UNK: variants seen among roughly 807,000 people sequenced by gnomAD.
The protein encoded by UNK is unk zinc finger.
Under a neutral mutation model 97.6 loss-of-function variants are expected in UNK, and 32 were observed. The observed-to-expected ratio is 0.33, with a 90% CI of 0.25 to 0.44. The LOEUF is 0.44. Ranked by LOEUF, UNK falls within the 20% of genes least tolerant of loss-of-function variation. The probability of loss-of-function intolerance (pLI) is 1.00; values close to 1 mark genes in which losing one functional copy is unlikely to be tolerated. For missense variants in UNK, 771 were observed against 1,098.4 expected (o/e 0.70, Z 4.21); for synonymous variants, 441 against 461.2 (o/e 0.96, Z 0.56).
At chr17:75,794,164 T>C (rs1165601899) in intron 1 of UNK, 3 of 970,722 alleles carry the variant, frequency 3.1e-6, no homozygotes, top group South Asian at 9.5e-5. Context: ...TACAAAAATG[T>C]ATATTAAATA....
At chr17:75,793,466 CAA>C (rs2061780039) in intron 1 of UNK, 1 of 985,284 alleles carries the variant, frequency 1.0e-6, no homozygotes, top group Non-Finnish European at 1.2e-6. Context: ...ACAGCAGTAT[CAA>C]GAGCTGAGGA....
chr17:75,813,999 C>T (rs1016691069), intron 6 of UNK, 121 bp downstream of exon 6: 2 of 835,450 alleles, frequency 2.4e-6, no homozygotes, highest in African/African-American at 1.7e-5. Flanking sequence ...CTTGTGGCCA[C>T]CAGCTCTCCC....
chr17:75,812,697 C>T (rs756199197), intron 4 of UNK, 112 bp downstream of exon 4: 10 of 1,440,758 alleles, frequency 6.9e-6, no homozygotes, highest in East Asian at 2.4e-5. Context: ...CCCGACCTGG[C>T]CCGCATCCCA....
rs993389744 is a variant in UNK, at chr17:75,824,472, G to GTATA, written c.*67_*70dup. The GTATA allele has an allele frequency of 3.6e-6, 4 of 1,106,082 alleles. No homozygotes were observed. The highest frequency in any genetic ancestry group is 4.6e-6 in the Non-Finnish European group (4 of 864,754). The allele number at this position is 1,106,082 out of a possible 1,614,324, so 68.5% of individuals were successfully genotyped here. ...ATCTTCTCACCTAGGACTTTTTAAA[G>GTATA]TATATATATATATATGAATATATAT... On this transcript the variant is annotated 3_prime_UTR_variant, in exon 16 of 16. Coordinates refer to ENST00000589666, the MANE Select transcript of UNK (RefSeq NM_001080419.3). The surrounding 1 kb of genome is among the most constrained non-coding windows in gnomAD (Gnocchi z 4.9).
chr17:75,801,843 C>A (rs2061862148), intron 1 of UNK, among the ~76,000 whole-genome samples: 1 of 148,158 alleles, frequency 6.7e-6, no homozygotes, highest in Non-Finnish European at 1.5e-5. Context: ...GCACCCGGCT[C>A]CCCCCAGCCT....
chr17:75,792,565 C>T, intron 1 of UNK: 1 of 821,202 alleles, frequency 1.2e-6, no homozygotes, highest in Non-Finnish European at 1.5e-6. Flanking sequence ...TTTACTATCC[C>T]TCTGGACAAT....
intron 1 of UNK, among the ~76,000 whole-genome samples, chr17:75,788,096 T>A (rs1425786427): frequency 6.6e-6 from 1 of 152,170 alleles, no homozygotes; most frequent in Non-Finnish European, 1.5e-5. Context: ...GGAATAATAA[T>A]TGATCATTGA....
chr17:75,808,585 C>G (rs1215537095), intron 1 of UNK, among the ~76,000 whole-genome samples: 11 of 152,126 alleles, frequency 7.2e-5, no homozygotes, highest in Non-Finnish European at 4.4e-5. Flanking sequence ...CCCCTCTTCC[C>G]CCTTCCTCCT....
At chr17:75,793,753 C>T in intron 1 of UNK, 1 of 985,398 alleles carries the variant, frequency 1.0e-6, no homozygotes, top group Non-Finnish European at 1.2e-6. Context: ...CACCATAAGT[C>T]CTGACAAAAT....
intron 1 of UNK, among the ~76,000 whole-genome samples, chr17:75,804,971 A>T (rs184277625): frequency 6.6e-6 from 1 of 151,766 alleles, no homozygotes; most frequent in African/African-American, 2.4e-5. Flanking sequence ...AGGCGGGTGG[A>T]TCACGAGGTC....
chr17:75,795,077 G>A (rs545804428), intron 1 of UNK, among the ~76,000 whole-genome samples: 3 of 151,956 alleles, frequency 2.0e-5, no homozygotes, highest in Non-Finnish European at 4.4e-5. Context: ...TCTCTTCCAC[G>A]TCCACTTGAA....
In UNK at chr17:75,824,394, C is replaced by G. The variant is rs781035041; in HGVS notation, c.2410C>G (p.Arg804Gly). 6.4e-7 allele frequency: 1 copy of G among 1,557,976 alleles called. No individual in the cohort carries two copies. The highest frequency in any genetic ancestry group is 1.2e-5 in the South Asian group (1 of 86,596). The change falls in exon 16 of 16, where the codon CGG becomes GGG. Residue 804 changes from arginine to glycine, a missense_variant. Arg to Gly is a moderately radical substitution (Grantham distance 125, BLOSUM62 -2). Around this residue, in one of 5 missense-constraint regions of UNK, gnomAD observed 208 missense variants for 257.4 expected, o/e 0.81. Transcript: ENST00000589666. This position sits in a 1 kb window ranked among gnomAD's most constrained non-coding sequence, Gnocchi z 4.9. ...GSECPICQPG[R>G]AHTLQS ...CGAGTGCCCCATCTGCCAGCCTGGC[C>G]GGGCCCACACCCTCCAGTCGTGACC...
At chr17:75,794,236 T>G in intron 1 of UNK, 1 of 922,632 alleles carries the variant, frequency 1.1e-6, no homozygotes, top group Non-Finnish European at 1.3e-6. Context: ...TTTTATGGTA[T>G]TGTAGTTATG....
At chr17:75,790,233 G>T (rs909120506) in intron 1 of UNK, among the ~76,000 whole-genome samples, 1 of 152,058 alleles carries the variant, frequency 6.6e-6, no homozygotes, top group East Asian at 1.9e-4. Flanking sequence ...GGAGGCGGGG[G>T]TTGCAGTGAG....
rs774475707 is a variant in UNK at position 75,819,878 on chromosome 17, G to A, written c.1649-42G>A. ...GCTCTGTGTGGCCCGCCTGGCTTCCGCTGCCCTCACCCAGCCCGTCCTCCC... is the reference window on the plus strand; with the variant it reads ...GCTCTGTGTGGCCCGCCTGGCTTCCACTGCCCTCACCCAGCCCGTCCTCCC... On this transcript the variant is annotated intron_variant, in intron 12 of 15. Transcript: ENST00000589666. This position sits in a 1 kb window ranked among gnomAD's most constrained non-coding sequence, Gnocchi z 5.4. 30 of 1,601,146 alleles carry A rather than the reference G, an allele frequency of 1.9e-5. 1 individual carries two copies. The South Asian group carries it at 2.2e-4, about 12-fold the overall frequency.
At chr17:75,798,195 C>T (rs963945142) in intron 1 of UNK, among the ~76,000 whole-genome samples, 1 of 151,926 alleles carries the variant, frequency 6.6e-6, no homozygotes, top group Admixed American at 6.6e-5. Flanking sequence ...CTCAGCCTCC[C>T]GAGTAGCTGG....
intron 1 of UNK, among the ~76,000 whole-genome samples, chr17:75,798,468 G>A (rs1599365269): frequency 6.6e-6 from 1 of 152,122 alleles, no homozygotes; most frequent in African/African-American, 2.4e-5. Flanking sequence ...GCCTCCCAAA[G>A]TGCTGGGATT....
At position 75,813,897 on chromosome 17, in the gene UNK, T is replaced by TG. The variant is rs762649660; in HGVS notation, c.876+26dup. 37 of 1,547,596 alleles carry TG rather than the reference T, an allele frequency of 2.4e-5. No individual in the cohort carries two copies. Among genetic ancestry groups the TG allele is most frequent in the African/African-American group, 1.2e-4 (9 of 72,976 alleles). On this transcript the variant is annotated intron_variant, in intron 6 of 15. Coordinates refer to ENST00000589666, the MANE Select transcript of UNK (RefSeq NM_001080419.3). ...CCCCGAGGTGGGCCCCACAGCAGGG[T>TG]GGGGGGGTGGCTTTGGGAAGTAAGG...
Position 75,816,891 on chromosome 17 carries a change from G to A in UNK, c.1083G>A (p.Pro361=), listed in dbSNP as rs372005181. 3.7e-5 allele frequency: 60 copies of A among 1,604,142 alleles called. No individual in the cohort carries two copies. Among genetic ancestry groups the A allele is most frequent in the African/African-American group, 3.1e-4 (23 of 74,872 alleles). The change falls in exon 8 of 16, where the codon CCG becomes CCA. Residue 361 remains proline (P), a synonymous_variant. Transcript: ENST00000589666. This position sits in a 1 kb window ranked among gnomAD's most constrained non-coding sequence, Gnocchi z 4.0. ...CGGTGCCTGTGAGCCCCTCCAGCCCGCATGCCCCTGACCTCAGTGCCGTAC... is the reference window on the plus strand; with the variant it reads ...CGGTGCCTGTGAGCCCCTCCAGCCCACATGCCCCTGACCTCAGTGCCGTAC... The part of the protein sequence containing the change: ...GDSVPVSPSS[P]HAPDLSALLC...
Sources: allele counts gnomAD v4.1 joint callset (sites outside exome capture counted in the v4.1 genomes callset), GRCh38; gene constraint gnomAD v4.1.1; regional missense constraint gnomAD v4.1.1; non-coding constraint Gnocchi (gnomAD v3.1); transcripts MANE v1.5; gene names NCBI Gene and HGNC (gene_info 2026-07-23, HGNC 2026-07-21).